Variants in EMSY observed in about 807,000 individuals in gnomAD.
The protein encoded by EMSY is BRCA2-interacting transcriptional repressor EMSY.
A neutral mutation model predicts 134.6 loss-of-function variants in EMSY; 26 were observed. The ratio of observed to expected loss-of-function variants is 0.19; its 90% confidence interval spans 0.14 to 0.27. The LOEUF (loss-of-function observed/expected upper bound fraction) is 0.27. EMSY is among the 10% of genes least tolerant of loss of function. The pLI is 1.00. For missense variants in EMSY, 1,305 were observed against 1,611.4 expected, an observed-to-expected ratio of 0.81 and a Z score of 3.26; for synonymous variants, 579 against 577.8, an observed-to-expected ratio of 1.00 and a Z score of -0.03.
chr11:76,472,625 A>C (rs772695634), exon 8 of EMSY: 1 of 1,614,070 alleles, frequency 6.2e-7, no homozygotes. Context: ...TCCAAATCCC[A>C]TAACTATGCA....
chr11:76,549,979 C>T (rs756374446), exon 21 of EMSY: 4 of 1,612,862 alleles, frequency 2.5e-6, no homozygotes, highest in Admixed American at 3.3e-5. Context: ...TATTCCTTGT[C>T]ACTCCAGCTC....
chr11:76,542,020 A>G, intron 17 of EMSY, 196 bp from the exon 19 acceptor site: 1 of 646,920 alleles, frequency 1.5e-6, no homozygotes, highest in Non-Finnish European at 2.7e-6. Context: ...ATGAGGAAAC[A>G]GTCTCAGAGA....
intron 1 of EMSY, among the ~76,000 whole-genome samples, chr11:76,445,432 C>A (rs1335187064): frequency 2.6e-5 from 4 of 152,102 alleles, no homozygotes; most frequent in African/African-American, 9.7e-5. Flanking sequence ...GGGTGCCGGC[C>A]GGGACCCCTG....
chr11:76,452,873 C>T (rs1947725803), intron 3 of EMSY, among the ~76,000 whole-genome samples: 1 of 152,100 alleles, frequency 6.6e-6, no homozygotes, highest in African/African-American at 2.4e-5. Flanking sequence ...ATTCATTGAA[C>T]ATTAAATTAT....
chr11:76,452,938 C>T (rs955612509), intron 3 of EMSY, among the ~76,000 whole-genome samples: 11 of 152,126 alleles, frequency 7.2e-5, no homozygotes, highest in African/African-American at 2.7e-4. Context: ...GTGACAAAAT[C>T]CTCTTCTCAG....
In EMSY at chr11:76,543,108, G is replaced by C. The variant is rs181664467; in HGVS notation, c.2709+741G>C. 3.0e-4 allele frequency among the ~76,000 whole-genome samples: 45 copies of C among 152,302 alleles called. 1 individual carries two copies. Among genetic ancestry groups the C allele is most frequent in the Non-Finnish European group, 1.5e-4 (10 of 68,018 alleles). ...AGTAAGAAACTTGCTCCAGGTGGCA[G>C]AGCCAGGATTTAAACCCAAAGTGAA... On this transcript the variant is annotated intron_variant, in intron 18 of 20. Coordinates refer to ENST00000334736, the Ensembl canonical transcript of EMSY.
At chr11:76,550,806 C>T (rs1004594958) in exon 21 of EMSY, 6 of 152,302 alleles carry the variant, frequency 3.9e-5, no homozygotes, top group Non-Finnish European at 8.8e-5. Context: ...CACTTGCCTT[C>T]TATTTATTTA....
intron 12 of EMSY, among the ~76,000 whole-genome samples, chr11:76,525,583 T>A (rs966958596): frequency 1.3e-5 from 2 of 152,206 alleles, no homozygotes; most frequent in Non-Finnish European, 2.9e-5. Flanking sequence ...TCACTGTATT[T>A]GAACTTAATT....
intron 11 of EMSY, among the ~76,000 whole-genome samples, chr11:76,517,462 A>G (rs1443212760): frequency 6.6e-6 from 1 of 152,196 alleles, no homozygotes; most frequent in East Asian, 1.9e-4. Flanking sequence ...TACTCAGTTA[A>G]ACATTTGTCA....
chr11:76,483,047 G>A (rs986225541), intron 8 of EMSY, among the ~76,000 whole-genome samples: 11 of 152,302 alleles, frequency 7.2e-5, no homozygotes, highest in African/African-American at 1.9e-4. Flanking sequence ...GACTAACAGC[G>A]GATCTCTCTG....
At chr11:76,507,159 A>G (rs1030970338) in intron 9 of EMSY, among the ~76,000 whole-genome samples, 2 of 152,228 alleles carry the variant, frequency 1.3e-5, no homozygotes, top group East Asian at 3.8e-4. Context: ...AATTTAAAAT[A>G]CTTCATTGCT....
intron 8 of EMSY, among the ~76,000 whole-genome samples, chr11:76,483,902 A>G (rs917073985): frequency 4.6e-5 from 7 of 152,218 alleles, no homozygotes; most frequent in Non-Finnish European, 8.8e-5. Flanking sequence ...AGTGGACCTA[A>G]TAGACATCTA....
intron 9 of EMSY, among the ~76,000 whole-genome samples, chr11:76,499,715 A>C (rs1169684139): frequency 6.6e-6 from 1 of 151,644 alleles, no homozygotes; most frequent in African/African-American, 2.4e-5. Context: ...TTTCTTGCCT[A>C]TTTGTAGTTT....
At position 76,543,827 on chromosome 11, in the gene EMSY, C is replaced by T. The variant is rs141483729; in HGVS notation, c.2710-432C>T. The stretch of plus-strand genomic sequence containing the variant: ...ACAATCTCCCTGACCTTCCAGATAG[C>T]ACTGGACCTACACATAGCCATGGTG... On this transcript the variant is annotated intron_variant, in intron 18 of 20. Transcript: ENST00000334736. Among the ~76,000 whole-genome samples the T allele has an allele frequency of 1.9e-3, 293 of 152,078 alleles. 3 individuals carry two copies. The highest frequency in any genetic ancestry group is 6.9e-3 in the African/African-American group (286 of 41,482).
At chr11:76,453,527 G>C (rs975136930) in intron 4 of EMSY, 139 bp downstream of exon 4, 4 of 694,904 alleles carry the variant, frequency 5.8e-6, no homozygotes, top group Admixed American at 3.6e-5. Context: ...GATCATAGCA[G>C]TAAAAGTGAT....
At chr11:76,457,305 T>C (rs1164818149) in intron 4 of EMSY, among the ~76,000 whole-genome samples, 3 of 152,202 alleles carry the variant, frequency 2.0e-5, no homozygotes, top group African/African-American at 7.2e-5. Flanking sequence ...TGTGAAGAGA[T>C]TGATTATTTC....
At position 76,446,345 on chromosome 11, in the gene EMSY, A is replaced by ATATGTATATATATATG. The variant is rs1555036512; in HGVS notation, c.-39-554_-39-553insATGTATATATATATGT. On this transcript the variant is annotated intron_variant, in intron 1 of 20. Coordinates refer to ENST00000334736, the Ensembl canonical transcript of EMSY. ...TGTGTATATATATATGTATATATAT[A>ATATGTATATATATATG]TGTGTATATATATATATGTATGTAT... Among the ~76,000 whole-genome samples, 91 of 13,782 alleles carry ATATGTATATATATATG rather than the reference A, an allele frequency of 6.6e-3. 1 individual carries two copies. The highest frequency in any genetic ancestry group is 0.022 in the African/African-American group (87 of 4,006). The allele number at this position is 13,782 out of a possible 152,430, so 9.0% of individuals were successfully genotyped here.
chr11:76,528,485 C>T lies in EMSY; in HGVS notation c.2194+19C>T, dbSNP rs2136372886. ...TCCCAAGGTAAGATCTATTTTACTT[C>T]TGATTTATATAAGTACTACTGACAT... On this transcript the variant is annotated intron_variant, in intron 14 of 20. Coordinates refer to ENST00000334736, the Ensembl canonical transcript of EMSY. 6.4e-7 allele frequency: 1 copy of T among 1,563,546 alleles called. No individual in the cohort carries two copies. The highest frequency in any genetic ancestry group is 1.1e-5 in the South Asian group (1 of 88,732).
rs544323463 is a variant in EMSY, at chr11:76,536,486, C to T, written c.2359+427C>T. 5.9e-4 allele frequency among the ~76,000 whole-genome samples: 90 copies of T among 152,318 alleles called. No individual in the cohort carries two copies. In the South Asian group the frequency reaches 6.8e-3, roughly 12 times the overall value. On this transcript the variant is annotated intron_variant, in intron 15 of 20. Transcript: ENST00000334736. ...GCCATCCTCCTTGATATTGGTGGAG[C>T]ACAAAACACCTTTAGTGGCCCTTGC...
Sources: gnomAD v4.1 joint callset for allele counts (sites outside exome capture counted in the v4.1 genomes callset) on GRCh38, gnomAD v4.1.1 for gene constraint, MANE v1.5 for transcripts, NCBI Gene and HGNC (gene_info 2026-07-23, HGNC 2026-07-21) for gene names.